Variants in NAA30 observed in about 807,000 individuals in gnomAD.
NAA30 encodes the protein N-alpha-acetyltransferase 30, NatC catalytic subunit, also known as N-alpha-acetyltransferase 30.
NAA30 carries 5 observed loss-of-function variants against 31.4 expected under a neutral mutation model. The ratio of observed to expected loss-of-function variants is 0.16; its 90% CI spans 0.08 to 0.33. The LOEUF (loss-of-function observed/expected upper bound fraction) is 0.33. Among genes scored for constraint, NAA30 ranks in the 10% least tolerant of loss-of-function variants. The pLI is 1.00. For synonymous variants in NAA30, 222 were observed against 207.1 expected (o/e 1.07, Z -0.62); for missense variants, 428 against 490.8 (o/e 0.87, Z 1.21).
In NAA30 at chr14:57,390,980, C is replaced by T. The variant is rs759582500; in HGVS notation, c.23C>T (p.Pro8Leu). The T allele has an allele frequency of 5.4e-6, 8 of 1,492,626 alleles. No individual in the cohort carries two copies. The highest frequency in any genetic ancestry group is 4.2e-5 in the South Asian group (3 of 72,022). 92.5% of individuals were successfully genotyped at this position (1,492,626 alleles called of 1,614,324 possible). A position where few individuals can be genotyped will look rare whatever the true frequency, so the allele number is the denominator to read the frequency against. MAEVPPG[P>L]SSLLPPPAPP... ...AGGATGGCGGAGGTACCGCCTGGGC[C>T]TAGCAGCCTCCTCCCACCACCAGCA... is the stretch of plus-strand genomic sequence containing the variant. Residue 8 changes from proline to leucine, a missense_variant, in exon 2 of 5, where the codon CCT becomes CTT. This residue lies in a region of NAA30 where 349 missense variants were observed against 310.4 expected (regional missense o/e 1.12). Transcript: ENST00000556492.
chr14:57,396,298 A>G (rs978282226), intron 2 of NAA30, among the ~76,000 whole-genome samples: 25 of 152,168 alleles, frequency 1.6e-4, no homozygotes, highest in African/African-American at 5.1e-4. Context: ...TTAACTGAAT[A>G]TATTTAAATT....
At position 57,414,591 on chromosome 14, in the gene NAA30, G is replaced by T. The variant is rs2066539378; in HGVS notation, c.*5075G>T. The T allele has an allele frequency of 6.6e-6, 1 of 152,176 alleles. No homozygotes were observed. Among genetic ancestry groups the T allele is most frequent in the Non-Finnish European group, 1.5e-5 (1 of 68,036 alleles). The allele number at this position is 152,176 out of a possible 1,614,324, so 9.4% of individuals were successfully genotyped here. A position where few individuals can be genotyped will look rare whatever the true frequency, so the allele number is the denominator to read the frequency against. On this transcript the variant is annotated 3_prime_UTR_variant, in exon 5 of 5. Coordinates refer to ENST00000556492, the MANE Select transcript of NAA30 (RefSeq NM_001011713.3). ...TGAGTGGTCAAGTTGGAACATGGAG[G>T]TCTATCATGTTTTTAACCTCCAAGA...
chr14:57,403,641 A>G (rs1457959766), intron 4 of NAA30, among the ~76,000 whole-genome samples: 1 of 152,228 alleles, frequency 6.6e-6, no homozygotes, highest in African/African-American at 2.4e-5. Context: ...TGAGTAAGAA[A>G]TATATTACCA....
At position 57,409,836 on chromosome 14, in the gene NAA30, G is replaced by A; in HGVS notation, c.*320G>A. The A allele has an allele frequency of 4.8e-6, 1 of 210,286 alleles. No homozygotes were observed. Among genetic ancestry groups the A allele is most frequent in the East Asian group, 1.0e-4 (1 of 9,804 alleles). 13.0% of individuals were successfully genotyped at this position (210,286 alleles called of 1,614,324 possible). A position where few individuals can be genotyped will look rare whatever the true frequency, so the allele number is the denominator to read the frequency against. On this transcript the variant is annotated 3_prime_UTR_variant, in exon 5 of 5. Coordinates refer to ENST00000556492, the MANE Select transcript of NAA30 (RefSeq NM_001011713.3). ...GATCATTTTATCACAGAACCAGTAA[G>A]TGGAACATAATTTTTGTTCCTTAAA...
chr14:57,407,532 C>T (rs908599720), intron 4 of NAA30, among the ~76,000 whole-genome samples: 1 of 152,128 alleles, frequency 6.6e-6, no homozygotes, highest in Non-Finnish European at 1.5e-5. Flanking sequence ...GAAGAGCATT[C>T]TTCTAGACAG....
At chr14:57,407,146 C>T (rs934772091) in intron 4 of NAA30, among the ~76,000 whole-genome samples, 2 of 152,140 alleles carry the variant, frequency 1.3e-5, no homozygotes, top group African/African-American at 4.8e-5. Flanking sequence ...GCCTTGACCT[C>T]CCAAAGTGCT....
At position 57,391,206 on chromosome 14, in the gene NAA30, G is replaced by A; in HGVS notation, c.249G>A (p.Gln83=). The change falls in exon 2 of 5, where the codon CAG becomes CAA. Residue 83 remains glutamine (Q), a synonymous_variant. Coordinates refer to ENST00000556492, the MANE Select transcript of NAA30 (RefSeq NM_001011713.3). The surrounding 1 kb of genome is among the most constrained non-coding windows in gnomAD (Gnocchi z 4.1). ...RCPQPPQEQQ[Q]LNGLISPELR... ...CTCAGCCGCCGCAGGAGCAGCAGCA[G>A]CTCAACGGATTGATTAGCCCCGAAC... 8 of 1,611,902 alleles carry A rather than the reference G, an allele frequency of 5.0e-6. No individual in the cohort carries two copies. Among genetic ancestry groups the A allele is most frequent in the Non-Finnish European group, 6.8e-6 (8 of 1,179,846 alleles).
rs966305554 is a variant in NAA30 at position 57,390,822 on chromosome 14, TG to T, written c.-2+123del. 59 of 743,368 alleles carry T rather than the reference TG, an allele frequency of 7.9e-5. No individual in the cohort carries two copies. In the East Asian group the frequency reaches 1.3e-3, roughly 16 times the overall value. 46.0% of individuals were successfully genotyped at this position (743,368 alleles called of 1,614,324 possible). ...GAAGAGCGGGGGGGTGGCGGGGAAT[TG>T]GGGGGCAGCTCCGTGAGGGACGGTT... On this transcript the variant is annotated intron_variant, in intron 1 of 4. Coordinates refer to ENST00000556492, the MANE Select transcript of NAA30 (RefSeq NM_001011713.3).
intron 1 of NAA30, 88 bp downstream of exon 1, chr14:57,390,793 C>T (rs1439334830): frequency 3.8e-5 from 24 of 625,388 alleles, no homozygotes; most frequent in Non-Finnish European, 5.3e-5. Context: ...AGCTGGGCGG[C>T]GCTGAAGAGC....
Position 57,391,701 on chromosome 14 carries a change from C to G in NAA30, c.744C>G (p.Ile248Met). The G allele has an allele frequency of 6.2e-7, 1 of 1,609,914 alleles. No individual in the cohort carries two copies. Among genetic ancestry groups the G allele is most frequent in the Non-Finnish European group, 8.5e-7 (1 of 1,177,670 alleles). The change falls in exon 2 of 5, where the codon ATC (isoleucine) becomes ATG (methionine). Residue 248 changes from isoleucine to methionine, a missense_variant. Physicochemically the swap from Ile to Met is conservative, Grantham distance 10 (BLOSUM62 1). Transcript: ENST00000556492. This position sits in a 1 kb window ranked among gnomAD's most constrained non-coding sequence, Gnocchi z 4.1. ...PYSIYTYRYF[I>M]HNWPQLCFLA... ...CCATTTATACCTATAGATATTTTAT[C>G]CACAACTGGCCACAGCTGTGCTTCT...
At chr14:57,407,196 G>GT (rs1011494172) in intron 4 of NAA30, among the ~76,000 whole-genome samples, 5 of 152,042 alleles carry the variant, frequency 3.3e-5, no homozygotes, top group Admixed American at 6.6e-5. Context: ...GCCAAATTGT[G>GT]TTTTTTTTAA....
rs759643859 is a variant in NAA30, at chr14:57,399,790, A to G, written c.896-38A>G. ...ATAATTTAGGTTATCTTTAAGAAAT[A>G]CATTTTTCCTTCATTAATACTCAGA... On this transcript the variant is annotated intron_variant, in intron 3 of 4. Coordinates refer to ENST00000556492, the MANE Select transcript of NAA30 (RefSeq NM_001011713.3). 9 of 1,029,824 alleles carry G rather than the reference A, an allele frequency of 8.7e-6. No individual in the cohort carries two copies. In the South Asian group the frequency reaches 1.2e-4, roughly 14 times the overall value. The allele number at this position is 1,029,824 out of a possible 1,614,324, so 63.8% of individuals were successfully genotyped here.
intron 4 of NAA30, among the ~76,000 whole-genome samples, chr14:57,401,311 TAGTG>T (rs1455785368): frequency 2.6e-5 from 4 of 152,170 alleles, no homozygotes; most frequent in Admixed American, 2.6e-4. Flanking sequence ...CCTACAGACA[TAGTG>T]GGTGGCACAG....
Position 57,415,118 on chromosome 14 carries a change from TAAATA to T in NAA30, c.*5609_*5613del, listed in dbSNP as rs892000384. ...CATGAGAACTGTATGTACATTTTTG[TAAATA>T]AAATAATTTACCATATACTAGGAGA... On this transcript the variant is annotated 3_prime_UTR_variant, in exon 5 of 5. Coordinates refer to ENST00000556492, the MANE Select transcript of NAA30 (RefSeq NM_001011713.3). 2.0e-5 allele frequency: 3 copies of T among 152,230 alleles called. No homozygotes were observed. Among genetic ancestry groups the T allele is most frequent in the African/African-American group, 4.8e-5 (2 of 41,458 alleles). 9.4% of individuals were successfully genotyped at this position (152,230 alleles called of 1,614,324 possible).
rs2066526920 is a variant in NAA30 at position 57,412,269 on chromosome 14, A to G, written c.*2753A>G. The G allele has an allele frequency of 1.3e-5, 2 of 152,174 alleles. No individual in the cohort carries two copies. The highest frequency in any genetic ancestry group is 4.8e-5 in the African/African-American group (2 of 41,444). The allele number at this position is 152,174 out of a possible 1,614,324, so 9.4% of individuals were successfully genotyped here. A position where few individuals can be genotyped will look rare whatever the true frequency, so the allele number is the denominator to read the frequency against. ...TTTTAATATTTTCTGCCTCTTTCCC[A>G]AATTACCCTTCCCACTTGCTCGACA... On this transcript the variant is annotated 3_prime_UTR_variant, in exon 5 of 5. Coordinates refer to ENST00000556492, the MANE Select transcript of NAA30 (RefSeq NM_001011713.3).
chr14:57,398,738 T>C (rs1327113344), intron 3 of NAA30, among the ~76,000 whole-genome samples: 1 of 152,140 alleles, frequency 6.6e-6, no homozygotes, highest in African/African-American at 2.4e-5. Context: ...GTTCAAGTGA[T>C]TTTCCTGCCT....
intron 4 of NAA30, 91 bp from the exon 5 acceptor site, chr14:57,409,285 AAAT>A (rs1301197642): frequency 1.0e-6 from 1 of 1,002,646 alleles, no homozygotes; most frequent in Non-Finnish European, 1.4e-6. Flanking sequence ...TCAATTTTTA[AAAT>A]AATGTATGAT....
rs2066521204 is a variant in NAA30 at position 57,411,185 on chromosome 14, G to A, written c.*1669G>A. The A allele has an allele frequency of 6.6e-6, 1 of 151,746 alleles. No individual in the cohort carries two copies. Among genetic ancestry groups the A allele is most frequent in the Admixed American group, 6.6e-5 (1 of 15,226 alleles). The allele number at this position is 151,746 out of a possible 1,614,324, so 9.4% of individuals were successfully genotyped here. A position where few individuals can be genotyped will look rare whatever the true frequency, so the allele number is the denominator to read the frequency against. ...TATTTGAAAATAAAAACTTTCTGCT[G>A]GTGGGATTATTTATAGTTCTTTATT... On this transcript the variant is annotated 3_prime_UTR_variant, in exon 5 of 5. Coordinates refer to ENST00000556492, the MANE Select transcript of NAA30 (RefSeq NM_001011713.3).
At chr14:57,390,789 G>A in intron 1 of NAA30, 84 bp downstream of exon 1, 1 of 612,824 alleles carries the variant, frequency 1.6e-6, no homozygotes, top group Non-Finnish European at 2.5e-6. Context: ...GAGCAGCTGG[G>A]CGGCGCTGAA....
Sources: allele counts gnomAD v4.1 joint callset (sites outside exome capture counted in the v4.1 genomes callset), GRCh38; gene constraint gnomAD v4.1.1; regional missense constraint gnomAD v4.1.1; non-coding constraint Gnocchi (gnomAD v3.1); transcripts MANE v1.5; gene names NCBI Gene and HGNC (gene_info 2026-07-23, HGNC 2026-07-21).